The following BLM variants were observed in gnomAD, a reference collection of about 807,000 sequenced individuals.
BLM encodes the protein BLM RecQ like helicase, also known as recQ-like DNA helicase BLM.
A neutral mutation model predicts 135.3 loss-of-function variants in BLM; 95 were observed. The ratio of observed to expected loss-of-function variants is 0.70; its 90% CI spans 0.59 to 0.83. The LOEUF (loss-of-function observed/expected upper bound fraction) is 0.83, where lower values mean the gene tolerates loss of function less well. Among genes scored for constraint, BLM ranks in the 40% least tolerant of loss-of-function variants. The pLI is 0.00. For missense variants in BLM, 1,518 were observed against 1,663.9 expected (o/e 0.91, Z 1.53); for synonymous variants, 520 against 589.2 (o/e 0.88, Z 1.70).
chr15:90,742,995 T>G (rs1255044496), intron 1 of BLM, among the ~76,000 whole-genome samples: 1 of 142,586 alleles, frequency 7.0e-6, no homozygotes, highest in East Asian at 2.0e-4. Context: ...ACATTTCCTG[T>G]GACTTTTTTT....
chr15:90,719,399 C>T (rs1163743903), intron 1 of BLM, among the ~76,000 whole-genome samples: 1 of 152,092 alleles, frequency 6.6e-6, no homozygotes, highest in African/African-American at 2.4e-5. Flanking sequence ...GCCAGGAGTT[C>T]GAGACTTGCC....
intron 18 of BLM, among the ~76,000 whole-genome samples, chr15:90,803,927 GT>G (rs55925199): frequency 0.011 from 1,734 of 152,194 alleles, 41 homozygotes; most frequent in African/African-American, 0.04. Context: ...AATTTAATGG[GT>G]TATCAGGTCA....
intron 1 of BLM, among the ~76,000 whole-genome samples, chr15:90,741,112 C>T (rs1895353312): frequency 6.6e-6 from 1 of 152,076 alleles, no homozygotes; most frequent in African/African-American, 2.4e-5. Context: ...TTATCTGTTG[C>T]TTTTATTATA....
intron 1 of BLM, among the ~76,000 whole-genome samples, chr15:90,726,886 TAA>T (rs1361460329): frequency 6.6e-6 from 1 of 152,190 alleles, no homozygotes; most frequent in Non-Finnish European, 1.5e-5. Flanking sequence ...AGTGCTGCAG[TAA>T]GCATGGGGGT....
At chr15:90,764,663 AT>A (rs965905279) in intron 8 of BLM, among the ~76,000 whole-genome samples, 48 of 152,208 alleles carry the variant, frequency 3.2e-4, no homozygotes, top group African/African-American at 1.2e-3. Flanking sequence ...ATAGAAAGTA[AT>A]TATTTTAATC....
chr15:90,742,205 T>C (rs1895381090), intron 1 of BLM, among the ~76,000 whole-genome samples: 1 of 152,094 alleles, frequency 6.6e-6, no homozygotes. Flanking sequence ...CTTAAAAAAA[T>C]ACAAAAAGTA....
At position 90,749,983 on chromosome 15, in the gene BLM, G is replaced by A. The variant is rs200756519; in HGVS notation, c.715G>A (p.Asp239Asn). ...EWLSSDVICI[D>N]DGPIAEVHIN... Reference sequence around the variant, plus strand: ...GTTAAGCAGCGATGTGATTTGCATCGATGATGGCCCCATTGCTGAAGTGCA... The same window carrying A: ...GTTAAGCAGCGATGTGATTTGCATCAATGATGGCCCCATTGCTGAAGTGCA... Residue 239 changes from aspartate to asparagine, a missense_variant, in exon 3 of 22, where the codon GAT (aspartate) becomes AAT (asparagine). Around this residue, in one of 5 missense-constraint regions of BLM, gnomAD observed 724 missense variants for 756.9 expected, o/e 0.96. Coordinates refer to ENST00000355112, the MANE Select transcript of BLM (RefSeq NM_000057.4). 111 of 1,614,084 alleles carry A rather than the reference G, an allele frequency of 6.9e-5. No homozygotes were observed. Among genetic ancestry groups the A allele is most frequent in the East Asian group, 3.3e-4 (15 of 44,900 alleles).
chr15:90,749,636 A>C lies in BLM; in HGVS notation c.368A>C (p.Gln123Pro). 1 of 1,614,178 alleles carries C rather than the reference A, an allele frequency of 6.2e-7. No individual in the cohort carries two copies. Among genetic ancestry groups the C allele is most frequent in the African/African-American group, 1.3e-5 (1 of 75,054 alleles). ...CCGAAGGAAGTTGTATGCACTACCC[A>C]AAACACACCAACTGTAAAGAAATCC... Reference protein sequence around the residue: ...QTPKEVVCTTQNTPTVKKSRD... With the variant: ...QTPKEVVCTTPNTPTVKKSRD... The change falls in exon 3 of 22, where the codon CAA (glutamine) becomes CCA (proline). Residue 123 changes from glutamine to proline, a missense_variant. Physicochemically the swap from Gln to Pro is moderately conservative, Grantham distance 76. Coordinates refer to ENST00000355112, the MANE Select transcript of BLM (RefSeq NM_000057.4).
intron 5 of BLM, among the ~76,000 whole-genome samples, chr15:90,759,589 CTTT>C (rs1895906182): frequency 1.3e-5 from 1 of 74,670 alleles, no homozygotes; most frequent in African/African-American, 1.2e-4. Flanking sequence ...GCCAGACCCC[CTTT>C]CTTTCTTTCT....
At chr15:90,738,843 G>A (rs1895289474) in intron 1 of BLM, among the ~76,000 whole-genome samples, 1 of 152,192 alleles carries the variant, frequency 6.6e-6, no homozygotes, top group Non-Finnish European at 1.5e-5. Context: ...GGAGAAATTA[G>A]GATGTGGAAA....
At chr15:90,801,676 A>C (rs181851606) in intron 17 of BLM, among the ~76,000 whole-genome samples, 5 of 152,302 alleles carry the variant, frequency 3.3e-5, no homozygotes, top group African/African-American at 1.2e-4. Context: ...GTAGGTAGCC[A>C]CCTGAAGAGC....
At chr15:90,788,585 A>T (rs545784787) in intron 14 of BLM, among the ~76,000 whole-genome samples, 1 of 151,694 alleles carries the variant, frequency 6.6e-6, no homozygotes, top group Non-Finnish European at 1.5e-5. Context: ...TTTGGCAAAA[A>T]ACCTAATAAT....
Position 90,790,703 on chromosome 15 carries a change from T to C in BLM, c.2878T>C (p.Phe960Leu), listed in dbSNP as rs760842454. The part of the protein sequence containing the change: ...GMGIDKPDVR[F>L]VIHASLPKSV... Reference sequence around the variant, plus strand: ...GGGGATTGACAAACCGGACGTGCGATTTGTGATTCATGCATCTCTCCCTAA... The same window carrying C: ...GGGGATTGACAAACCGGACGTGCGACTTGTGATTCATGCATCTCTCCCTAA... The change falls in exon 15 of 22, where the codon TTT becomes CTT. Residue 960 changes from phenylalanine (F) to leucine (L), a missense_variant. Physicochemically the swap from Phe to Leu is conservative, Grantham distance 22. Transcript: ENST00000355112. 3.1e-6 allele frequency: 5 copies of C among 1,614,194 alleles called. No homozygotes were observed. Among genetic ancestry groups the C allele is most frequent in the Admixed American group, 1.7e-5 (1 of 60,024 alleles).
chr15:90,797,414 C>CAAAAAAAAAAAAAAAAAA (rs56369282), intron 16 of BLM, among the ~76,000 whole-genome samples: 2 of 109,576 alleles, frequency 1.8e-5, no homozygotes, highest in Non-Finnish European at 1.8e-5. Flanking sequence ...AACTCCATCT[C>CAAAAAAAAAAAAAAAAAA]AAAAAAAAAA....
intron 17 of BLM, among the ~76,000 whole-genome samples, chr15:90,800,344 ACAGT>A (rs976050223): frequency 1.3e-5 from 2 of 152,194 alleles, no homozygotes; most frequent in East Asian, 3.9e-4. Context: ...ACCCATAGTC[ACAGT>A]CAGGCAGCAG....
rs537099549 is a variant in BLM at position 90,780,998 on chromosome 15, A to T, written c.2556-1824A>T. On this transcript the variant is annotated intron_variant, in intron 12 of 21. Coordinates refer to ENST00000355112, the MANE Select transcript of BLM (RefSeq NM_000057.4). ...CCAATCCCCCATGGGAAACCAAGGG[A>T]TGTGAAAATTGAGGGTCTGAATTTG... Among the ~76,000 whole-genome samples the T allele has an allele frequency of 8.5e-5, 13 of 152,302 alleles. 1 individual carries two copies. The South Asian group carries it at 2.5e-3, about 29-fold the overall frequency.
chr15:90,787,876 G>A (rs946075756), intron 14 of BLM, among the ~76,000 whole-genome samples: 3 of 152,104 alleles, frequency 2.0e-5, no homozygotes, highest in Admixed American at 6.5e-5. Context: ...CTTGAACCTG[G>A]GAGCCGAAGG....
At chr15:90,804,510 C>A in intron 19 of BLM, 151 bp downstream of exon 19, 1 of 851,792 alleles carries the variant, frequency 1.2e-6, no homozygotes. Context: ...GTCACCCGGG[C>A]TGGAGTGCTG....
rs141261614 is a variant in BLM at position 90,733,977 on chromosome 15, T to G, written c.-4-13412T>G. The stretch of plus-strand genomic sequence containing the variant: ...GCAAGTATAAAACAAATATTTAACA[T>G]AAAAATTAAAGGTAGCACAAAGAAA... On this transcript the variant is annotated intron_variant, in intron 1 of 21. Coordinates refer to ENST00000355112, the MANE Select transcript of BLM (RefSeq NM_000057.4). 8.6e-4 allele frequency among the ~76,000 whole-genome samples: 131 copies of G among 152,252 alleles called. 1 individual carries two copies. Among genetic ancestry groups the G allele is most frequent in the African/African-American group, 3.0e-3 (125 of 41,570 alleles).
Sources: allele counts gnomAD v4.1 joint callset (sites outside exome capture counted in the v4.1 genomes callset), GRCh38; gene constraint gnomAD v4.1.1; regional missense constraint gnomAD v4.1.1; transcripts MANE v1.5; gene names NCBI Gene and HGNC (gene_info 2026-07-23, HGNC 2026-07-21).